Variants in SNX31 observed in about 807,000 individuals in gnomAD.
SNX31 encodes the protein sorting nexin 31.
SNX31 carries 58 observed loss-of-function variants against 65.4 expected under a neutral mutation model. That is an observed-to-expected ratio of 0.89 (90% confidence interval 0.72 to 1.10). The LOEUF is 1.10. SNX31 is among the 50% of genes least tolerant of loss of function. The pLI is 0.00. For missense variants in SNX31, 523 were observed against 529.7 expected (o/e 0.99, Z 0.12); for synonymous variants, 181 against 190.1 (o/e 0.95, Z 0.39).
intron 9 of SNX31, among the ~76,000 whole-genome samples, chr8:100,600,066 A>G (rs1815477105): frequency 1.3e-5 from 2 of 152,256 alleles, no homozygotes; most frequent in Non-Finnish European, 2.9e-5. Context: ...ATATAACCAT[A>G]AAATGGAATA....
At position 100,578,947 on chromosome 8, in the gene SNX31, C is replaced by T. The variant is rs1374641080; in HGVS notation, c.1171-1872G>A. 6.6e-6 allele frequency among the ~76,000 whole-genome samples: 1 copy of T among 152,042 alleles called. No homozygotes were observed. The highest frequency in any genetic ancestry group is 1.5e-5 in the Non-Finnish European group (1 of 68,010). ...ATGTTGGCCAGGCTGGTCTCAAACTCCTGACCTCAAGTGATCCACCTGCCT... is the reference window on the plus strand; with the variant it reads ...ATGTTGGCCAGGCTGGTCTCAAACTTCTGACCTCAAGTGATCCACCTGCCT... On this transcript the variant is annotated intron_variant, in intron 12 of 13. Transcript: ENST00000311812. The surrounding 1 kb of genome is among the most constrained non-coding windows in gnomAD (Gnocchi z 4.7).
In SNX31 at chr8:100,608,545, G is replaced by T; in HGVS notation, c.630C>A (p.Leu210=). The T allele has an allele frequency of 1.2e-6, 2 of 1,613,966 alleles. No individual in the cohort carries two copies. Among genetic ancestry groups the T allele is most frequent in the Non-Finnish European group, 8.5e-7 (1 of 1,179,916 alleles). The change falls in exon 8 of 14, where the codon CTC becomes CTA. Residue 210 remains leucine, a synonymous_variant. Coordinates refer to ENST00000311812, the MANE Select transcript of SNX31 (RefSeq NM_152628.4). ...GLRKWYMAPS[L]DSVLMDCRVA... ...CCCTGCAGTCCATCAGCACGGAGTC[G>T]AGGGATGGAGCCATATACCTGCAAA...
At chr8:100,583,535 C>A (rs935073913) in intron 12 of SNX31, among the ~76,000 whole-genome samples, 1 of 152,124 alleles carries the variant, frequency 6.6e-6, no homozygotes, top group Admixed American at 6.5e-5. Context: ...TTCTCACCAA[C>A]CTTTTTGATG....
chr8:100,591,286 A>T (rs1292112424), intron 10 of SNX31, among the ~76,000 whole-genome samples: 2 of 152,128 alleles, frequency 1.3e-5, no homozygotes, highest in African/African-American at 4.8e-5. Context: ...AGCTCTAAGA[A>T]TGGCAGCTAA....
In SNX31 at chr8:100,600,349, C is replaced by G; in HGVS notation, c.774G>C (p.Lys258Asn). The G allele has an allele frequency of 6.2e-7, 1 of 1,612,548 alleles. No homozygotes were observed. Among genetic ancestry groups the G allele is most frequent in the Non-Finnish European group, 8.5e-7 (1 of 1,178,962 alleles). The change falls in exon 9 of 14, where the codon AAG (lysine) becomes AAC (asparagine). Residue 258 changes from lysine to asparagine, a missense_variant and splice_region_variant. Coordinates refer to ENST00000311812, the MANE Select transcript of SNX31 (RefSeq NM_152628.4). ...EAFQKEDSQTKFLELAREVRH... is the reference protein window; with the variant it reads ...EAFQKEDSQTNFLELAREVRH... ...TCTCTTGGAGCAATATTTGATTCAC[C>G]TTTGTTTGACTGTCTTCTTTCTGGA...
chr8:100,613,172 G>T lies in SNX31; in HGVS notation c.433-87C>A. On this transcript the variant is annotated intron_variant, in intron 5 of 13. Transcript: ENST00000311812. This position sits in a 1 kb window ranked among gnomAD's most constrained non-coding sequence, Gnocchi z 5.2. ...TGACATGCAGACTTGGAAATGGCCG[G>T]TACACATCAATAAAAAATGCTGTCA... 1 of 1,006,214 alleles carries T rather than the reference G, an allele frequency of 9.9e-7. No individual in the cohort carries two copies. Among genetic ancestry groups the T allele is most frequent in the Non-Finnish European group, 1.6e-6 (1 of 643,098 alleles). 62.3% of individuals were successfully genotyped at this position (1,006,214 alleles called of 1,614,324 possible).
At chr8:100,618,479 T>C in intron 4 of SNX31, 1 of 666,678 alleles carries the variant, frequency 1.5e-6, no homozygotes, top group Non-Finnish European at 2.6e-6. Context: ...AACAATTCAA[T>C]TCAATTATGA....
chr8:100,601,101 A>T (rs977549320), intron 8 of SNX31, among the ~76,000 whole-genome samples: 3 of 152,226 alleles, frequency 2.0e-5, no homozygotes, highest in African/African-American at 7.2e-5. Context: ...CATTACTGCT[A>T]TTGCTTATAG....
In SNX31 at chr8:100,608,542, G is replaced by A. The variant is rs1220110245; in HGVS notation, c.633C>T (p.Asp211=). 2.5e-6 allele frequency: 4 copies of A among 1,614,036 alleles called. No individual in the cohort carries two copies. Among genetic ancestry groups the A allele is most frequent in the South Asian group, 1.1e-5 (1 of 91,078 alleles). Residue 211 remains aspartate, a synonymous_variant, in exon 8 of 14, where the codon GAC becomes GAT. Coordinates refer to ENST00000311812, the MANE Select transcript of SNX31 (RefSeq NM_152628.4). The part of the protein sequence containing the change: ...LRKWYMAPSL[D]SVLMDCRVAV... ...CCACCCTGCAGTCCATCAGCACGGA[G>A]TCGAGGGATGGAGCCATATACCTGC... is the stretch of plus-strand genomic sequence containing the variant.
intron 12 of SNX31, among the ~76,000 whole-genome samples, chr8:100,583,646 C>T (rs1459137444): frequency 1.3e-5 from 2 of 152,024 alleles, no homozygotes; most frequent in East Asian, 3.9e-4. Flanking sequence ...GTTTATTTTA[C>T]TACCTCCCCC....
At chr8:100,643,943 A>G (rs181378308) in intron 2 of SNX31, among the ~76,000 whole-genome samples, 3 of 152,298 alleles carry the variant, frequency 2.0e-5, no homozygotes, top group East Asian at 3.9e-4. Flanking sequence ...AAGGCATCTC[A>G]TGCAATCAAG....
At chr8:100,581,317 A>C (rs1002006107) in intron 12 of SNX31, among the ~76,000 whole-genome samples, 2 of 124,412 alleles carry the variant, frequency 1.6e-5, no homozygotes, top group Admixed American at 1.6e-4. Context: ...TTTTTTATAT[A>C]TCTATATCTA....
rs1330625607 is a variant in SNX31, at chr8:100,622,824, A to G, written c.322-5094T>C. Among the ~76,000 whole-genome samples, 2 of 151,886 alleles carry G rather than the reference A, an allele frequency of 1.3e-5. No homozygotes were observed. The highest frequency in any genetic ancestry group is 2.9e-5 in the Non-Finnish European group (2 of 68,018). On this transcript the variant is annotated intron_variant, in intron 4 of 13. Transcript: ENST00000311812. The surrounding 1 kb of genome is among the most constrained non-coding windows in gnomAD (Gnocchi z 5.0). ...GAGAATATTAAGGCTAAAGCCTCCA[A>G]TGTTTTGTTTGATGTCGCAGTACTG...
At chr8:100,591,879 C>A (rs1371705313) in intron 10 of SNX31, among the ~76,000 whole-genome samples, 1 of 151,982 alleles carries the variant, frequency 6.6e-6, no homozygotes, top group Admixed American at 6.6e-5. Flanking sequence ...TAACTGCATG[C>A]CAGAATAAAA....
intron 4 of SNX31, chr8:100,618,602 T>C: frequency 1.9e-6 from 1 of 533,936 alleles, no homozygotes; most frequent in South Asian, 2.7e-5. Context: ...CCCACATTTC[T>C]GCCCAGCTGA....
At chr8:100,586,199 G>C (rs973592538) in intron 11 of SNX31, among the ~76,000 whole-genome samples, 1 of 152,184 alleles carries the variant, frequency 6.6e-6, no homozygotes, top group Non-Finnish European at 1.5e-5. Context: ...GGGATTACAG[G>C]CATGAGCCAC....
Position 100,625,023 on chromosome 8 carries a change from C to T in SNX31, c.321+5304G>A, listed in dbSNP as rs1021991584. Among the ~76,000 whole-genome samples the T allele has an allele frequency of 4.6e-5, 7 of 152,066 alleles. No homozygotes were observed. The highest frequency in any genetic ancestry group is 8.8e-5 in the Non-Finnish European group (6 of 68,018). On this transcript the variant is annotated intron_variant, in intron 4 of 13. Coordinates refer to ENST00000311812, the MANE Select transcript of SNX31 (RefSeq NM_152628.4). This position sits in a 1 kb window ranked among gnomAD's most constrained non-coding sequence, Gnocchi z 4.2. ...ACAGAGTCTCACTATGTTGCCCAGG[C>T]TGGTCTTCAACTCCTGGCCTCAAGT...
Position 100,611,904 on chromosome 8 carries a change from C to CAGGCTATGA in SNX31, c.611+87_611+95dup, listed in dbSNP as rs1387412371. 5.4e-6 allele frequency: 5 copies of CAGGCTATGA among 926,960 alleles called. No individual in the cohort carries two copies. In the East Asian group the frequency reaches 1.2e-4, roughly 22 times the overall value. 57.4% of individuals were successfully genotyped at this position (926,960 alleles called of 1,614,324 possible). ...CTCTAAGTTCTTGGTCTCCAGCTGTCAGGCTATGAGCAGGATGTGACGGGA... is the reference window on the plus strand; with the variant it reads ...CTCTAAGTTCTTGGTCTCCAGCTGTCAGGCTATGAAGGCTATGAGCAGGATGTGACGGGA... On this transcript the variant is annotated intron_variant, in intron 7 of 13. Transcript: ENST00000311812.
At chr8:100,653,658 A>G (rs1270945660), upstream of SNX31, among the ~76,000 whole-genome samples, 1 of 152,236 alleles carries the variant, frequency 6.6e-6, no homozygotes, top group Non-Finnish European at 1.5e-5. Context: ...TCCAGCCTCC[A>G]GAACTATGAG....
Sources: allele counts gnomAD v4.1 joint callset (sites outside exome capture counted in the v4.1 genomes callset), GRCh38; gene constraint gnomAD v4.1.1; non-coding constraint Gnocchi (gnomAD v3.1); transcripts MANE v1.5; gene names NCBI Gene and HGNC (gene_info 2026-07-23, HGNC 2026-07-21).